Variants in DOP1B observed in about 807,000 individuals in gnomAD.
DOP1B encodes protein DOP1B.
DOP1B carries 174 observed loss-of-function variants against 233.5 expected under a neutral mutation model. That is an observed-to-expected ratio of 0.75 (90% CI 0.66 to 0.85). The LOEUF is 0.85. DOP1B is among the 40% of genes least tolerant of loss of function. DOP1B has a pLI of 0.00. For missense variants in DOP1B, 2,652 were observed against 2,846.6 expected (o/e 0.93, Z 1.56); for synonymous variants, 1,190 against 1,185.6 (o/e 1.00, Z -0.08).
chr21:36,206,296 C>T (rs1276076227), intron 4 of DOP1B, among the ~76,000 whole-genome samples: 1 of 151,984 alleles, frequency 6.6e-6, no homozygotes, highest in African/African-American at 2.4e-5. Flanking sequence ...ACTGAGAGGC[C>T]ATGCAGGGTG....
At chr21:36,236,481 A>G (rs1033738202) in intron 15 of DOP1B, among the ~76,000 whole-genome samples, 1 of 152,158 alleles carries the variant, frequency 6.6e-6, no homozygotes, top group Non-Finnish European at 1.5e-5. Flanking sequence ...AGTGCTGTGG[A>G]GCTGAACCCC....
chr21:36,238,151 A>T (rs1344115607), intron 16 of DOP1B, among the ~76,000 whole-genome samples: 2 of 152,254 alleles, frequency 1.3e-5, no homozygotes, highest in African/African-American at 4.8e-5. Flanking sequence ...TGGGTGACAG[A>T]GCAAGACTCC....
intron 2 of DOP1B, among the ~76,000 whole-genome samples, chr21:36,188,753 G>A (rs2066195752): frequency 6.6e-6 from 1 of 152,210 alleles, no homozygotes; most frequent in Non-Finnish European, 1.5e-5. Context: ...TCTAGACAAA[G>A]ACATCTGGCA....
At chr21:36,258,709 G>A (rs549326832) in intron 23 of DOP1B, among the ~76,000 whole-genome samples, 5 of 152,312 alleles carry the variant, frequency 3.3e-5, no homozygotes, top group Non-Finnish European at 7.4e-5. Context: ...TGTGCACTGA[G>A]TGGTGTCGTG....
intron 35 of DOP1B, among the ~76,000 whole-genome samples, chr21:36,291,451 C>T (rs1236847531): frequency 6.6e-6 from 1 of 152,026 alleles, no homozygotes; most frequent in Non-Finnish European, 1.5e-5. Flanking sequence ...ATCCCAGCTA[C>T]TCGGGAGGCT....
chr21:36,167,932 TTC>T (rs1568996112), intron 2 of DOP1B, among the ~76,000 whole-genome samples: 1 of 79,886 alleles, frequency 1.3e-5, no homozygotes. Context: ...TTCTTTTCTT[TTC>T]TTTTTCTTTT....
chr21:36,187,313 C>T (rs1319013228), intron 2 of DOP1B, among the ~76,000 whole-genome samples: 18 of 151,838 alleles, frequency 1.2e-4, no homozygotes, highest in African/African-American at 4.1e-4. Flanking sequence ...GCCTGGCTTT[C>T]GACAAGAGTT....
Position 36,199,064 on chromosome 21 carries a change from T to C in DOP1B, c.139-6T>C. 6.2e-7 allele frequency: 1 copy of C among 1,603,894 alleles called. No individual in the cohort carries two copies. The highest frequency in any genetic ancestry group is 1.1e-5 in the South Asian group (1 of 89,228). ...CCTCATGTGTTTTTTTTGTCTTGTT[T>C]GACAGGCTCTTCAGAGTAACCTGAG... On this transcript the variant is annotated splice_polypyrimidine_tract_variant and splice_region_variant and intron_variant, in intron 2 of 36. Coordinates refer to ENST00000691173, the MANE Select transcript of DOP1B (RefSeq NM_001320714.2).
At chr21:36,222,024 A>G (rs2066629737) in intron 10 of DOP1B, among the ~76,000 whole-genome samples, 1 of 151,670 alleles carries the variant, frequency 6.6e-6, no homozygotes, top group South Asian at 2.1e-4. Context: ...GATGCCCACT[A>G]TCATATCTGG....
intron 2 of DOP1B, among the ~76,000 whole-genome samples, chr21:36,190,023 A>AG: frequency 6.6e-6 from 1 of 151,094 alleles, no homozygotes; most frequent in South Asian, 2.1e-4. Context: ...AAAAAAAAAA[A>AG]AAAATGATTT....
Position 36,246,056 on chromosome 21 carries a change from T to C in DOP1B, c.4076T>C (p.Leu1359Pro). Residue 1359 changes from leucine to proline, a missense_variant, in exon 19 of 37, where the codon CTG becomes CCG. Transcript: ENST00000691173. The surrounding 1 kb of genome is among the most constrained non-coding windows in gnomAD (Gnocchi z 5.1). ...GTTTTGATCAGGATAATGATGCAGC[T>C]GGTCTCAGTGGCCAAGTCTTCGGAA... ...VEVLIRIMMQ[L>P]VSVAKSSEGK... is the part of the protein sequence containing the mutation. The C allele has an allele frequency of 6.2e-7, 1 of 1,614,010 alleles. No homozygotes were observed. The highest frequency in any genetic ancestry group is 8.5e-7 in the Non-Finnish European group (1 of 1,180,024).
rs142806445 is a variant in DOP1B, at chr21:36,255,913, A to G, written c.5259+2004A>G. Among the ~76,000 whole-genome samples the G allele has an allele frequency of 2.1e-3, 321 of 152,246 alleles. 2 individuals carry two copies. Among genetic ancestry groups the G allele is most frequent in the African/African-American group, 6.6e-3 (276 of 41,546 alleles). On this transcript the variant is annotated intron_variant, in intron 23 of 36. Transcript: ENST00000691173. ...TTCATTACAGCAGCCTGGAGGGCCC[A>G]TGTTGTCTAGAGAGCTTCTTCAATT...
chr21:36,158,532 G>A (rs772956907), intron 1 of DOP1B, among the ~76,000 whole-genome samples: 1 of 152,122 alleles, frequency 6.6e-6, no homozygotes, highest in Non-Finnish European at 1.5e-5. Flanking sequence ...GCAGCCGGGC[G>A]TGGTGGCTCA....
chr21:36,200,647 T>C (rs986218700), intron 4 of DOP1B, 146 bp downstream of exon 4: 10 of 1,028,002 alleles, frequency 9.7e-6, no homozygotes, highest in Non-Finnish European at 1.3e-6. Flanking sequence ...ATGGAGACCA[T>C]CCTGGCTAAC....
At chr21:36,272,954 A>G (rs928131069) in intron 27 of DOP1B, among the ~76,000 whole-genome samples, 4 of 128,800 alleles carry the variant, frequency 3.1e-5, no homozygotes, top group African/African-American at 1.3e-4. Flanking sequence ...ATTGCACTCC[A>G]GCCTGGGCAA....
At chr21:36,292,794 A>G (rs1191743986) in intron 36 of DOP1B, among the ~76,000 whole-genome samples, 1 of 151,892 alleles carries the variant, frequency 6.6e-6, no homozygotes, top group African/African-American at 2.4e-5. Flanking sequence ...TTGTATTTTT[A>G]GTAGAGACAG....
chr21:36,281,702 G>T, intron 32 of DOP1B, 91 bp downstream of exon 32: 1 of 1,212,768 alleles, frequency 8.2e-7, no homozygotes, highest in Non-Finnish European at 1.1e-6. Context: ...TTGCCTCACA[G>T]TTCTGGAGGC....
At chr21:36,198,383 T>C (rs906758424) in intron 2 of DOP1B, among the ~76,000 whole-genome samples, 3 of 150,774 alleles carry the variant, frequency 2.0e-5, no homozygotes, top group African/African-American at 7.3e-5. Context: ...GAGCTGAGAT[T>C]GCGCCACTGC....
At chr21:36,161,926 G>A (rs979978911) in intron 1 of DOP1B, among the ~76,000 whole-genome samples, 4 of 152,194 alleles carry the variant, frequency 2.6e-5, no homozygotes, top group South Asian at 2.1e-4. Context: ...AAGTTGCGGC[G>A]TATCAGTATT....
Sources: gnomAD v4.1 joint callset for allele counts (sites outside exome capture counted in the v4.1 genomes callset) on GRCh38, gnomAD v4.1.1 for gene constraint, Gnocchi (gnomAD v3.1) non-coding constraint, MANE v1.5 for transcripts, NCBI Gene and HGNC (gene_info 2026-07-23, HGNC 2026-07-21) for gene names.